The following LGSN variants were observed in gnomAD, a reference collection of about 807,000 sequenced individuals.
LGSN encodes lengsin, lens protein with glutamine synthetase domain, also known as lengsin.
LGSN carries 21 observed loss-of-function variants against 19.5 expected under a neutral mutation model. That is an observed-to-expected ratio of 1.07 (90% CI 0.76 to 1.55). The LOEUF (loss-of-function observed/expected upper bound fraction) is 1.55, where lower values mean the gene tolerates loss of function less well. LGSN is among the 40% of genes most tolerant of loss of function. LGSN has a pLI of 0.00. For missense variants in LGSN, 673 were observed against 608.5 expected, an observed-to-expected ratio of 1.11 and a Z score of -1.12; for synonymous variants, 257 against 215.6, an observed-to-expected ratio of 1.19 and a Z score of -1.68.
At chr6:63,289,015 A>C (rs116428194) in intron 2 of LGSN, among the ~76,000 whole-genome samples, 1 of 152,120 alleles carries the variant, frequency 6.6e-6, no homozygotes, top group Non-Finnish European at 1.5e-5. Flanking sequence ...TCAGTGTCCA[A>C]ATTGGCACCT....
At chr6:63,288,737 G>A (rs906677137) in intron 2 of LGSN, among the ~76,000 whole-genome samples, 1 of 152,114 alleles carries the variant, frequency 6.6e-6, no homozygotes, top group Non-Finnish European at 1.5e-5. Flanking sequence ...TCTCCCCTTG[G>A]CTTCTAGACA....
the LGSN span, among the ~76,000 whole-genome samples, chr6:63,332,671 G>C: frequency 1.3e-5 from 2 of 152,114 alleles, 1 homozygote; most frequent in South Asian, 4.1e-4. Context: ...ACAGGTGCCC[G>C]GTATTTAGCC....
the LGSN span, chr6:63,572,305 T>G: frequency 1.5e-5 from 3 of 204,212 alleles, no homozygotes; most frequent in Admixed American, 6.0e-5. Context: ...GACTCGGCGC[T>G]TAGCCATTCA....
the LGSN span, among the ~76,000 whole-genome samples, chr6:63,495,272 T>C: frequency 1.3e-5 from 2 of 152,094 alleles, no homozygotes; most frequent in East Asian, 3.9e-4. Flanking sequence ...AAAAAAGTAT[T>C]ATTTTTTCCT....
At chr6:63,442,847 A>G in the LGSN span, among the ~76,000 whole-genome samples, 2 of 152,210 alleles carry the variant, frequency 1.3e-5, no homozygotes, top group Non-Finnish European at 2.9e-5. Context: ...CTCCAGCTAG[A>G]CATAAAAGTT....
Position 63,300,510 on chromosome 6 carries a change from A to G in LGSN, c.31-5465T>C, listed in dbSNP as rs1332370993. Among the ~76,000 whole-genome samples, 6 of 152,100 alleles carry G rather than the reference A, an allele frequency of 3.9e-5. No homozygotes were observed. The East Asian group carries it at 9.7e-4, about 25-fold the overall frequency. On this transcript the variant is annotated intron_variant, in intron 1 of 3. Coordinates refer to ENST00000370657, the MANE Select transcript of LGSN (RefSeq NM_016571.3). ...GGTGAGATGCAACTCTACAAAATAT[A>G]TAAAAATTAGCTAGGCACGGTGGTG... is the stretch of plus-strand genomic sequence containing the variant.
At chr6:63,306,908 A>T (rs1226664621) in intron 1 of LGSN, among the ~76,000 whole-genome samples, 1 of 152,230 alleles carries the variant, frequency 6.6e-6, no homozygotes, top group Non-Finnish European at 1.5e-5. Flanking sequence ...CTGCCAATTG[A>T]TTTAAAATGT....
At chr6:63,371,731 A>G in the LGSN span, among the ~76,000 whole-genome samples, 3 of 152,328 alleles carry the variant, frequency 2.0e-5, no homozygotes, top group South Asian at 6.2e-4. Context: ...AATGATTTAC[A>G]TTGTTATAAC....
chr6:63,549,465 G>A, the LGSN span: 3 of 794,192 alleles, frequency 3.8e-6, no homozygotes, highest in Admixed American at 3.6e-5. Flanking sequence ...CGACAGCAGG[G>A]CCGGAGCCAC....
chr6:63,528,467 A>G, the LGSN span, among the ~76,000 whole-genome samples: 1 of 151,636 alleles, frequency 6.6e-6, no homozygotes, highest in Non-Finnish European at 1.5e-5. Context: ...GTTCATGCCT[A>G]TAATCCTAAT....
the LGSN span, among the ~76,000 whole-genome samples, chr6:63,477,687 C>CTTTTTTTTTTTTTTTTTTTTTTTTTT: frequency 1.4e-3 from 86 of 61,036 alleles, 1 homozygote; most frequent in South Asian, 2.5e-3. Context: ...TTCTTTTTTT[C>CTTTTTTTTTTTTTTTTTTTTTTTTTT]TTTTTTTTTT....
the LGSN span, among the ~76,000 whole-genome samples, chr6:63,402,433 T>C: frequency 1.3e-5 from 2 of 152,148 alleles, no homozygotes; most frequent in Non-Finnish European, 2.9e-5. Flanking sequence ...CCCTAACTGA[T>C]AGAGAAAAGA....
chr6:63,507,114 G>A, the LGSN span, among the ~76,000 whole-genome samples: 9 of 152,098 alleles, frequency 5.9e-5, no homozygotes, highest in African/African-American at 2.2e-4. Context: ...ATGACCATTC[G>A]CACTACTCAT....
the LGSN span, among the ~76,000 whole-genome samples, chr6:63,412,415 G>GAAGAAAGAAAGA: frequency 1.6e-3 from 173 of 107,828 alleles, no homozygotes; most frequent in South Asian, 2.5e-3. Context: ...AAGAAAGAAA[G>GAAGAAAGAAAGA]AAGAAAGAAA....
At position 63,280,217 on chromosome 6, in the gene LGSN, G is replaced by A. The variant is rs1363009190; in HGVS notation, c.1334C>T (p.Thr445Ile). Reference sequence around the variant, plus strand: ...AGAAGGTTCCACTTGGTAAAAGTCTGTGCTCTCATCTGGACCAGCCAAGAC... The same window carrying A: ...AGAAGGTTCCACTTGGTAAAAGTCTATGCTCTCATCTGGACCAGCCAAGAC... ...NEVLAGPDESTDFYQVEPSEI... is the reference protein window; with the variant it reads ...NEVLAGPDESIDFYQVEPSEI... The change falls in exon 4 of 4, where the codon ACA becomes ATA. Residue 445 changes from threonine to isoleucine, a missense_variant. Physicochemically the swap from Thr to Ile is moderately conservative, Grantham distance 89 (BLOSUM62 -1). Coordinates refer to ENST00000370657, the MANE Select transcript of LGSN (RefSeq NM_016571.3). 1.2e-6 allele frequency: 2 copies of A among 1,614,200 alleles called. No homozygotes were observed. Among genetic ancestry groups the A allele is most frequent in the Admixed American group, 3.3e-5 (2 of 60,034 alleles).
chr6:63,415,531 A>G, the LGSN span, among the ~76,000 whole-genome samples: 1 of 152,140 alleles, frequency 6.6e-6, no homozygotes, highest in African/African-American at 2.4e-5. Context: ...AAACCATCAA[A>G]TCTTATAAGA....
chr6:63,481,190 T>G, the LGSN span, among the ~76,000 whole-genome samples: 1 of 151,948 alleles, frequency 6.6e-6, no homozygotes, highest in Non-Finnish European at 1.5e-5. Flanking sequence ...GCATACAAAG[T>G]GATATAATGT....
chr6:63,520,782 GTTCTTT>G, the LGSN span, among the ~76,000 whole-genome samples: 1 of 152,070 alleles, frequency 6.6e-6, no homozygotes, highest in Non-Finnish European at 1.5e-5. Context: ...CAGAGTTACT[GTTCTTT>G]TTAATTTTTT....
Position 63,280,377 on chromosome 6 carries a change from TA to T in LGSN, c.1173del (p.Cys391Ter), listed in dbSNP as rs1429888978. The T allele has an allele frequency of 1.9e-6, 3 of 1,614,086 alleles. No homozygotes were observed. The African/African-American group carries it at 4.0e-5, about 22-fold the overall frequency. On this transcript the variant is annotated frameshift_variant, in exon 4 of 4. Coordinates refer to ENST00000370657, the MANE Select transcript of LGSN (RefSeq NM_016571.3). LOFTEE classifies it low-confidence loss of function (END_TRUNC). ...PTTWGYNDNS[C>X]IFNIKCHGEK... ...TCTCCATGACATTTGATATTAAATA[TA>T]CAGCTGTTGTCATTGTATCCCCATG...
Sources: allele counts gnomAD v4.1 joint callset (sites outside exome capture counted in the v4.1 genomes callset), GRCh38; gene constraint gnomAD v4.1.1; transcripts MANE v1.5; gene names NCBI Gene and HGNC (gene_info 2026-07-23, HGNC 2026-07-21).